BAZ2A: variants seen among roughly 807,000 people sequenced by gnomAD.
BAZ2A encodes the protein bromodomain adjacent to zinc finger domain 2A.
A neutral mutation model predicts 199.9 loss-of-function variants in BAZ2A; 34 were observed. That is an observed-to-expected ratio of 0.17 (90% CI 0.13 to 0.23). BAZ2A has a LOEUF of 0.23. BAZ2A is among the 10% of genes least tolerant of loss of function. The pLI is 1.00. For missense variants in BAZ2A, 2,002 were observed against 2,391.1 expected (o/e 0.84, Z 3.39); for synonymous variants, 857 against 883.9 (o/e 0.97, Z 0.54).
At position 56,596,547 on chromosome 12, in the gene BAZ2A, T is replaced by C. The variant is rs1340153370; in HGVS notation, c.*2071A>G. The C allele has an allele frequency of 3.3e-5, 5 of 151,798 alleles. No individual in the cohort carries two copies. Among genetic ancestry groups the C allele is most frequent in the African/African-American group, 1.2e-4 (5 of 40,998 alleles). The allele number at this position is 151,798 out of a possible 1,614,324, so 9.4% of individuals were successfully genotyped here. ...GAACCATGGAGATTTCACTCCCCCATCCACCTCACAATTTCACTCCCCCAT... is the reference window on the plus strand; with the variant it reads ...GAACCATGGAGATTTCACTCCCCCACCCACCTCACAATTTCACTCCCCCAT... On this transcript the variant is annotated 3_prime_UTR_variant, in exon 29 of 29. Coordinates refer to ENST00000549884, the MANE Select transcript of BAZ2A (RefSeq NM_001300905.2).
At chr12:56,609,225 A>G (rs1950479080) in intron 10 of BAZ2A, among the ~76,000 whole-genome samples, 1 of 151,750 alleles carries the variant, frequency 6.6e-6, no homozygotes, top group Non-Finnish European at 1.5e-5. Flanking sequence ...CCAGGTTGGA[A>G]TGCAATAACA....
At chr12:56,620,746 A>T (rs565391477) in intron 1 of BAZ2A, among the ~76,000 whole-genome samples, 1 of 152,108 alleles carries the variant, frequency 6.6e-6, no homozygotes, top group South Asian at 2.1e-4. Context: ...TTTTTAGTAG[A>T]GACGGGGTTA....
rs187968206 is a variant in BAZ2A, at chr12:56,598,128, G to A, written c.*490C>T. Reference sequence around the variant, plus strand: ...GGAAGCAGCATGTCCAGGGCCCGGTGTCCGGCGCGACACACTTGGGAGTTA... The same window carrying A: ...GGAAGCAGCATGTCCAGGGCCCGGTATCCGGCGCGACACACTTGGGAGTTA... On this transcript the variant is annotated 3_prime_UTR_variant, in exon 29 of 29. Transcript: ENST00000549884. The A allele has an allele frequency of 3.5e-4, 54 of 155,726 alleles. No homozygotes were observed. Among genetic ancestry groups the A allele is most frequent in the Non-Finnish European group, 5.9e-4 (41 of 69,998 alleles). The allele number at this position is 155,726 out of a possible 1,614,324, so 9.6% of individuals were successfully genotyped here.
At chr12:56,614,790 G>A (rs1169300844) in intron 3 of BAZ2A, 3 of 589,450 alleles carry the variant, frequency 5.1e-6, no homozygotes, top group East Asian at 3.0e-5. Flanking sequence ...CTCCAGGCCA[G>A]AAGCTCTGCA....
intron 3 of BAZ2A, among the ~76,000 whole-genome samples, chr12:56,614,520 C>T (rs896760698): frequency 2.5e-4 from 38 of 152,158 alleles, no homozygotes; most frequent in African/African-American, 8.9e-4. Flanking sequence ...GGGGCTGTCA[C>T]GTGTACTAAT....
At chr12:56,612,324 C>A (rs774720776) in intron 5 of BAZ2A, 78 bp from the exon 6 acceptor site, 21 of 1,299,736 alleles carry the variant, frequency 1.6e-5, no homozygotes, top group Non-Finnish European at 2.1e-5. Context: ...CTCAGTCAAC[C>A]CTGGACCAAG....
At chr12:56,599,907 C>A in intron 25 of BAZ2A, 57 bp downstream of exon 25, 2 of 1,613,068 alleles carry the variant, frequency 1.2e-6, no homozygotes, top group Non-Finnish European at 1.7e-6. Flanking sequence ...GCCAGTGACC[C>A]CACCCCGCCC....
chr12:56,605,846 C>G lies in BAZ2A; in HGVS notation c.2477G>C (p.Cys826Ser). 6.2e-7 allele frequency: 1 copy of G among 1,609,482 alleles called. No homozygotes were observed. The highest frequency in any genetic ancestry group is 8.5e-7 in the Non-Finnish European group (1 of 1,177,914). Reference sequence around the variant, plus strand: ...CCTCACTACCTGGTGGTCAGTCAGACACATATCCTCTGTCGGCTTCTTCAT... The same window carrying G: ...CCTCACTACCTGGTGGTCAGTCAGAGACATATCCTCTGTCGGCTTCTTCAT... ...EEMKKPTEDM[C>S]LTDHQPLPDF... Residue 826 changes from cysteine (C) to serine (S), a missense_variant, in exon 13 of 29, where the codon TGT becomes TCT. Physicochemically the swap from Cys to Ser is moderately radical, Grantham distance 112. Around this residue, in one of 6 missense-constraint regions of BAZ2A, gnomAD observed 1,081 missense variants for 1,274.7 expected, o/e 0.85. Transcript: ENST00000549884.
chr12:56,605,536 C>T, intron 13 of BAZ2A: 1 of 626,652 alleles, frequency 1.6e-6, no homozygotes, highest in Non-Finnish European at 2.7e-6. Context: ...ATTCTCCCAC[C>T]TCAGTCTCTC....
At chr12:56,606,489 T>G in intron 11 of BAZ2A, 144 bp downstream of exon 11, 1 of 1,193,404 alleles carries the variant, frequency 8.4e-7, no homozygotes, top group Non-Finnish European at 1.2e-6. Flanking sequence ...ACAAACCCAA[T>G]TCTCTAAATC....
At position 56,603,544 on chromosome 12, in the gene BAZ2A, G is replaced by A; in HGVS notation, c.3195C>T (p.Gly1065=). The part of the protein sequence containing the change: ...EEEESIAAVP[G]RRGRRDGEVD... ...CCTCTCCATCTCTTCGACCCCTGCGGCCAGGGACAGCTGCTATAGACTCCT... is the reference window on the plus strand; with the variant it reads ...CCTCTCCATCTCTTCGACCCCTGCGACCAGGGACAGCTGCTATAGACTCCT... Residue 1065 remains glycine, a synonymous_variant, in exon 17 of 29, where the codon GGC becomes GGT. Transcript: ENST00000549884. 1 of 1,613,986 alleles carries A rather than the reference G, an allele frequency of 6.2e-7. No homozygotes were observed. Among genetic ancestry groups the A allele is most frequent in the East Asian group, 2.2e-5 (1 of 44,882 alleles).
At chr12:56,602,680 A>T (rs750747357) in intron 19 of BAZ2A, 33 bp downstream of exon 19, 8 of 1,598,680 alleles carry the variant, frequency 5.0e-6, no homozygotes, top group Admixed American at 1.7e-5. Flanking sequence ...GTTTGATAGG[A>T]CTCAGAATCC....
rs1238345031 is a variant in BAZ2A, at chr12:56,612,156, G to A, written c.1226C>T (p.Pro409Leu). Residue 409 changes from proline (P) to leucine (L), a missense_variant, in exon 6 of 29, where the codon CCA (proline) becomes CTA (leucine). By Grantham distance (98) the Pro-to-Leu change is moderately conservative. Coordinates refer to ENST00000549884, the MANE Select transcript of BAZ2A (RefSeq NM_001300905.2). Reference protein sequence around the residue: ...SSDFPPSLTQPAPDQSSTIQL... With the variant: ...SSDFPPSLTQLAPDQSSTIQL... The stretch of plus-strand genomic sequence containing the variant: ...AATAGTGGATGACTGATCAGGAGCT[G>A]GCTGGGTCAGGGATGGTGGGAAGTC... The A allele has an allele frequency of 3.1e-6, 5 of 1,613,832 alleles. No homozygotes were observed. The African/African-American group carries it at 5.3e-5, about 17-fold the overall frequency.
chr12:56,602,805 G>T lies in BAZ2A; in HGVS notation c.3332C>A (p.Ala1111Glu). ...KLLHSSQMLR[A>E]VSLGQDRYRR... ...GTAGCGGTCCTGACCCAGGGAGACC[G>T]CCCGAAGCATCTGGGATGAGTGAAG... Residue 1111 changes from alanine (A) to glutamate (E), a missense_variant, in exon 19 of 29, where the codon GCG becomes GAG. By Grantham distance (107) the Ala-to-Glu change is moderately radical. Transcript: ENST00000549884. The T allele has an allele frequency of 6.2e-7, 1 of 1,613,724 alleles. No homozygotes were observed. Among genetic ancestry groups the T allele is most frequent in the Non-Finnish European group, 8.5e-7 (1 of 1,179,708 alleles).
intron 24 of BAZ2A, 40 bp downstream of exon 24, chr12:56,600,161 T>C (rs958471015): frequency 1.9e-6 from 3 of 1,612,154 alleles, no homozygotes; most frequent in South Asian, 2.2e-5. Flanking sequence ...ACTTATCCCT[T>C]TCTCTCCAAG....
chr12:56,598,447 A>T lies in BAZ2A; in HGVS notation c.*171T>A. ...TGAGGAGCAAGAGGAGGGAAGGGAG[A>T]AAGGGATGTAGGAATAAGAGGATGT... On this transcript the variant is annotated 3_prime_UTR_variant, in exon 29 of 29. Transcript: ENST00000549884. 1 of 789,500 alleles carries T rather than the reference A, an allele frequency of 1.3e-6. No homozygotes were observed. The highest frequency in any genetic ancestry group is 1.7e-5 in the African/African-American group (1 of 57,442). The allele number at this position is 789,500 out of a possible 1,614,324, so 48.9% of individuals were successfully genotyped here.
chr12:56,610,262 T>C, intron 8 of BAZ2A, 47 bp from the exon 9 acceptor site: 2 of 1,605,846 alleles, frequency 1.2e-6, no homozygotes, highest in Non-Finnish European at 1.7e-6. Flanking sequence ...GATCCTACCA[T>C]GTCTTTGGCC....
chr12:56,601,780 G>A lies in BAZ2A; in HGVS notation c.3837C>T (p.Ser1279=). ...SWLSQTQSHS[S]LLSSSVLTPD... ...GTGTGAGGACTGAGCTGCTCAACAGGGAGCTATGGCTCTGAGTCTGGCTCA... is the reference window on the plus strand; with the variant it reads ...GTGTGAGGACTGAGCTGCTCAACAGAGAGCTATGGCTCTGAGTCTGGCTCA... The change falls in exon 20 of 29, where the codon TCC becomes TCT. Residue 1279 remains serine (S), a synonymous_variant. Transcript: ENST00000549884. 6.2e-7 allele frequency: 1 copy of A among 1,613,982 alleles called. No individual in the cohort carries two copies. Among genetic ancestry groups the A allele is most frequent in the Non-Finnish European group, 8.5e-7 (1 of 1,179,876 alleles).
Position 56,602,065 on chromosome 12 carries a change from G to T in BAZ2A, c.3552C>A (p.Ala1184=). The change falls in exon 20 of 29, where the codon GCC becomes GCA. Residue 1184 remains alanine, a synonymous_variant. Coordinates refer to ENST00000549884, the MANE Select transcript of BAZ2A (RefSeq NM_001300905.2). ...AGSNTTASSP[A]RARGRPRKTK... ...TTTTTCGAGGTCGGCCTCGGGCCCGGGCAGGAGAACTGGCAGTGGTGTTGG... is the reference window on the plus strand; with the variant it reads ...TTTTTCGAGGTCGGCCTCGGGCCCGTGCAGGAGAACTGGCAGTGGTGTTGG... 6.4e-7 allele frequency: 1 copy of T among 1,564,760 alleles called. No homozygotes were observed. The highest frequency in any genetic ancestry group is 2.4e-5 in the East Asian group (1 of 42,194).
Sources: gnomAD v4.1 joint callset for allele counts (sites outside exome capture counted in the v4.1 genomes callset) on GRCh38, gnomAD v4.1.1 for gene constraint, gnomAD v4.1.1 regional missense constraint, MANE v1.5 for transcripts, NCBI Gene and HGNC (gene_info 2026-07-23, HGNC 2026-07-21) for gene names.